ST6GALNAC3: variants seen among roughly 807,000 people sequenced by gnomAD.
ST6GALNAC3 encodes the protein alpha-N-acetylgalactosaminide alpha-2,6-sialyltransferase 3.
A neutral mutation model predicts 32.7 loss-of-function variants in ST6GALNAC3; 25 were observed. That is an observed-to-expected ratio of 0.76 (90% CI 0.56 to 1.07). The LOEUF is 1.07. Ranked by LOEUF, ST6GALNAC3 falls within the 50% of genes least tolerant of loss-of-function variation. The pLI is 0.00. For synonymous variants in ST6GALNAC3, 129 were observed against 133.1 expected (o/e 0.97, Z 0.21); for missense variants, 355 against 382.4 (o/e 0.93, Z 0.60).
intron 3 of ST6GALNAC3, among the ~76,000 whole-genome samples, chr1:76,487,824 T>C (rs1660226465): frequency 6.6e-6 from 1 of 152,192 alleles, no homozygotes; most frequent in Non-Finnish European, 1.5e-5. Flanking sequence ...AATTTTCAGC[T>C]TTTCTGCTCT....
chr1:76,201,280 C>A (rs1557692023), intron 1 of ST6GALNAC3, among the ~76,000 whole-genome samples: 1 of 152,160 alleles, frequency 6.6e-6, no homozygotes, highest in Non-Finnish European at 1.5e-5. Flanking sequence ...AAAGGAGGAG[C>A]AAAGTCATGT....
intron 3 of ST6GALNAC3, among the ~76,000 whole-genome samples, chr1:76,621,183 G>A (rs1648622733): frequency 6.6e-6 from 1 of 151,974 alleles, no homozygotes; most frequent in African/African-American, 2.4e-5. Context: ...TTCTCCGGCA[G>A]AAAAACTATT....
At chr1:76,289,826 A>G (rs1343990544) in intron 1 of ST6GALNAC3, among the ~76,000 whole-genome samples, 1 of 152,182 alleles carries the variant, frequency 6.6e-6, no homozygotes, top group Non-Finnish European at 1.5e-5. Context: ...GTGCACAGGG[A>G]GGGAACCAGT....
chr1:76,099,028 G>A (rs1483492861), intron 1 of ST6GALNAC3, among the ~76,000 whole-genome samples: 2 of 152,052 alleles, frequency 1.3e-5, no homozygotes, highest in Non-Finnish European at 2.9e-5. Flanking sequence ...AAAAGACTGT[G>A]CTTTCGCTAC....
At chr1:76,151,811 C>G (rs1240994853) in intron 1 of ST6GALNAC3, among the ~76,000 whole-genome samples, 1 of 152,174 alleles carries the variant, frequency 6.6e-6, no homozygotes, top group African/African-American at 2.4e-5. Flanking sequence ...ATCCCGGATT[C>G]ACCTTCCCAG....
At chr1:76,607,366 G>A (rs961986837) in intron 3 of ST6GALNAC3, among the ~76,000 whole-genome samples, 1 of 152,136 alleles carries the variant, frequency 6.6e-6, no homozygotes, top group Non-Finnish European at 1.5e-5. Flanking sequence ...TGATGGTTGA[G>A]CTCAATCTTG....
At chr1:76,586,415 AGTTTTACGACT>A (rs1421583559) in intron 3 of ST6GALNAC3, among the ~76,000 whole-genome samples, 6 of 152,180 alleles carry the variant, frequency 3.9e-5, no homozygotes, top group African/African-American at 1.4e-4. Context: ...ATGAACTCTC[AGTTTTACGACT>A]GTTTTATCTT....
chr1:76,351,238 C>A (rs948548152), intron 2 of ST6GALNAC3, among the ~76,000 whole-genome samples: 1 of 152,108 alleles, frequency 6.6e-6, no homozygotes, highest in African/African-American at 2.4e-5. Context: ...AGCCTGGGAA[C>A]AAATTATGTA....
chr1:76,108,609 T>C (rs1647705136), intron 1 of ST6GALNAC3, among the ~76,000 whole-genome samples: 1 of 152,232 alleles, frequency 6.6e-6, no homozygotes, highest in East Asian at 1.9e-4. Flanking sequence ...TGTGTGGAAT[T>C]ACTTATGATC....
At chr1:76,260,739 A>G (rs1658181929) in intron 1 of ST6GALNAC3, among the ~76,000 whole-genome samples, 1 of 152,162 alleles carries the variant, frequency 6.6e-6, no homozygotes. Context: ...GGACAGGCCT[A>G]AAAAATTAGG....
chr1:76,560,929 A>G (rs1231205185), intron 3 of ST6GALNAC3, among the ~76,000 whole-genome samples: 1 of 151,574 alleles, frequency 6.6e-6, no homozygotes, highest in African/African-American at 2.4e-5. Flanking sequence ...TTTGGAAGCC[A>G]AAACTTGGAA....
At chr1:76,414,062 C>T (rs957492122) in intron 3 of ST6GALNAC3, among the ~76,000 whole-genome samples, 5 of 151,890 alleles carry the variant, frequency 3.3e-5, no homozygotes, top group East Asian at 3.9e-4. Flanking sequence ...TGACTTTTGC[C>T]GTGAGCTTTG....
chr1:76,510,511 T>C (rs558575273), intron 3 of ST6GALNAC3, among the ~76,000 whole-genome samples: 1 of 152,236 alleles, frequency 6.6e-6, no homozygotes, highest in East Asian at 1.9e-4. Context: ...AGAAGGATGG[T>C]CCAAGAAGTA....
At chr1:76,614,515 G>C (rs914722357) in intron 3 of ST6GALNAC3, among the ~76,000 whole-genome samples, 3 of 151,772 alleles carry the variant, frequency 2.0e-5, no homozygotes, top group African/African-American at 4.8e-5. Context: ...GTCAGGAGAT[G>C]GAGACCATCC....
At chr1:76,367,043 G>A (rs761474710) in intron 2 of ST6GALNAC3, among the ~76,000 whole-genome samples, 91 of 152,104 alleles carry the variant, frequency 6.0e-4, no homozygotes, top group Admixed American at 3.2e-3. Flanking sequence ...AAGAAAGGCA[G>A]AACAAGACAT....
Position 76,498,707 on chromosome 1 carries a change from C to G in ST6GALNAC3, c.623+86290C>G, listed in dbSNP as rs556366504. 2.1e-5 allele frequency among the ~76,000 whole-genome samples: 3 copies of G among 146,310 alleles called. No homozygotes were observed. In the South Asian group the frequency reaches 7.2e-4, roughly 35 times the overall value. On this transcript the variant is annotated intron_variant, in intron 3 of 4. Transcript: ENST00000328299. ...AAAAGCTTTTGGTAAATCTTGCCTC[C>G]TTTGATTCGCAACAAAGCAGAAAAA... is the stretch of plus-strand genomic sequence containing the variant.
chr1:76,109,263 C>T (rs574980879), intron 1 of ST6GALNAC3, among the ~76,000 whole-genome samples: 1 of 152,282 alleles, frequency 6.6e-6, no homozygotes, highest in East Asian at 1.9e-4. Context: ...CCTGGCTACA[C>T]TCTCCCTACT....
chr1:76,346,964 A>G (rs1648571253), intron 2 of ST6GALNAC3, among the ~76,000 whole-genome samples: 1 of 152,180 alleles, frequency 6.6e-6, no homozygotes, highest in South Asian at 2.1e-4. Flanking sequence ...ATCTGTTAAT[A>G]CATTATTATT....
intron 2 of ST6GALNAC3, among the ~76,000 whole-genome samples, chr1:76,383,589 G>GAA (rs1371860181): frequency 6.6e-6 from 1 of 151,898 alleles, no homozygotes; most frequent in Non-Finnish European, 1.5e-5. Flanking sequence ...CTAAAATATT[G>GAA]AAAGAAGCTG....
Sources: gnomAD v4.1 joint callset for allele counts (sites outside exome capture counted in the v4.1 genomes callset) on GRCh38, gnomAD v4.1.1 for gene constraint, MANE v1.5 for transcripts, NCBI Gene and HGNC (gene_info 2026-07-23, HGNC 2026-07-21) for gene names.